The following EPHA6 variants were observed in gnomAD, a reference collection of about 807,000 sequenced individuals.
The protein encoded by EPHA6 is EPH receptor A6.
EPHA6 carries 50 observed loss-of-function variants against 112.0 expected under a neutral mutation model. The observed-to-expected ratio is 0.45, with a 90% CI of 0.36 to 0.56. The LOEUF (loss-of-function observed/expected upper bound fraction) is 0.56. Among genes scored for constraint, EPHA6 ranks in the 20% least tolerant of loss-of-function variants. The probability of loss-of-function intolerance (pLI) is 0.00; values close to 1 mark genes in which losing one functional copy is unlikely to be tolerated. For synonymous variants in EPHA6, 529 were observed against 490.7 expected (o/e 1.08, Z -1.03); for missense variants, 1,280 against 1,417.4 (o/e 0.90, Z 1.56).
intron 3 of EPHA6, among the ~76,000 whole-genome samples, chr3:97,186,438 T>G (rs1041184985): frequency 1.3e-5 from 2 of 152,184 alleles, no homozygotes; most frequent in Non-Finnish European, 2.9e-5. Context: ...ACTCTTGATC[T>G]TGTTGAGATA....
chr3:97,525,851 G>A (rs1324712348), intron 10 of EPHA6, among the ~76,000 whole-genome samples: 3 of 152,102 alleles, frequency 2.0e-5, no homozygotes, highest in Non-Finnish European at 2.9e-5. Flanking sequence ...TCTGGATCTG[G>A]GATGATGAAG....
chr3:97,512,507 G>A (rs1366839096), intron 10 of EPHA6, among the ~76,000 whole-genome samples: 1 of 152,040 alleles, frequency 6.6e-6, no homozygotes, highest in Non-Finnish European at 1.5e-5. Flanking sequence ...ACATCTGACA[G>A]TCCACTAGCT....
chr3:96,972,418 CACACAA>C (rs1185103987), intron 2 of EPHA6, among the ~76,000 whole-genome samples: 6 of 75,906 alleles, frequency 7.9e-5, no homozygotes, highest in South Asian at 5.4e-4. Context: ...CAGAAACACA[CACACAA>C]ACACACACAC....
At chr3:97,103,123 G>C (rs2047453944) in intron 3 of EPHA6, among the ~76,000 whole-genome samples, 1 of 151,990 alleles carries the variant, frequency 6.6e-6, no homozygotes, top group Non-Finnish European at 1.5e-5. Context: ...CTGTGCAGAA[G>C]CTCCTTAGTT....
intron 15 of EPHA6, among the ~76,000 whole-genome samples, chr3:97,725,628 G>C (rs1355096420): frequency 1.3e-5 from 2 of 152,120 alleles, no homozygotes; most frequent in Non-Finnish European, 2.9e-5. Flanking sequence ...TCGGGCTTTA[G>C]AACAAGATCT....
chr3:96,996,246 G>A (rs2043416152), intron 3 of EPHA6, among the ~76,000 whole-genome samples: 2 of 151,948 alleles, frequency 1.3e-5, no homozygotes, highest in Admixed American at 6.6e-5. Flanking sequence ...TTTTTCTCTT[G>A]CTATATCCAC....
intron 5 of EPHA6, among the ~76,000 whole-genome samples, chr3:97,316,039 T>C (rs114590751): frequency 6.6e-6 from 1 of 151,784 alleles, no homozygotes; most frequent in African/African-American, 2.4e-5. Context: ...AGCTAATGGG[T>C]TGTATGTAAT....
intron 5 of EPHA6, among the ~76,000 whole-genome samples, chr3:97,392,311 A>G (rs947683482): frequency 4.0e-5 from 6 of 151,754 alleles, no homozygotes; most frequent in Non-Finnish European, 5.9e-5. Flanking sequence ...TAATTTAAAA[A>G]TCATTAGCTA....
At chr3:97,683,734 C>G (rs962606740) in intron 14 of EPHA6, among the ~76,000 whole-genome samples, 9 of 152,100 alleles carry the variant, frequency 5.9e-5, no homozygotes, top group African/African-American at 2.2e-4. Context: ...GTACTTCTTT[C>G]TATATTTCTC....
rs1335587461 is a variant in EPHA6 at position 97,748,526 on chromosome 3, TCTC to T, written c.3279-60_3279-58del. The T allele has an allele frequency of 2.9e-5, 23 of 797,550 alleles. No individual in the cohort carries two copies. In the East Asian group the frequency reaches 5.9e-4, roughly 21 times the overall value. The allele number at this position is 797,550 out of a possible 1,614,324, so 49.4% of individuals were successfully genotyped here. On this transcript the variant is annotated intron_variant, in intron 17 of 17. Coordinates refer to ENST00000389672, the MANE Select transcript of EPHA6 (RefSeq NM_001080448.3). Reference sequence around the variant, plus strand: ...AATGTTCATATTCTGTATCTCTCTCTCTCTCTCTCTCTTTCTTGCTCTCACTCT... The same window carrying T: ...AATGTTCATATTCTGTATCTCTCTCTTCTCTCTCTTTCTTGCTCTCACTCT...
chr3:96,852,596 C>T (rs2035458586), intron 1 of EPHA6, among the ~76,000 whole-genome samples: 1 of 135,370 alleles, frequency 7.4e-6, no homozygotes, highest in South Asian at 2.6e-4. Context: ...TTTGAAGTAT[C>T]TTATCCAAAA....
intron 3 of EPHA6, among the ~76,000 whole-genome samples, chr3:97,151,347 G>C (rs578198092): frequency 6.6e-6 from 1 of 151,946 alleles, no homozygotes; most frequent in Non-Finnish European, 1.5e-5. Flanking sequence ...CCTTAATTCT[G>C]TACCAAACAA....
chr3:97,483,723 A>G (rs750674584), intron 9 of EPHA6, among the ~76,000 whole-genome samples: 19 of 152,340 alleles, frequency 1.2e-4, no homozygotes, highest in South Asian at 4.1e-4. Flanking sequence ...CTTTCTAGAA[A>G]TCCACCAGGT....
chr3:96,952,791 A>G (rs915883218), intron 2 of EPHA6, among the ~76,000 whole-genome samples: 1 of 152,134 alleles, frequency 6.6e-6, no homozygotes, highest in Non-Finnish European at 1.5e-5. Context: ...GTCACTTACA[A>G]TTGGGAGCAA....
intron 5 of EPHA6, among the ~76,000 whole-genome samples, chr3:97,319,334 T>C (rs2081991439): frequency 6.6e-6 from 1 of 151,582 alleles, no homozygotes; most frequent in Non-Finnish European, 1.5e-5. Context: ...TCCTTTCAAA[T>C]GTGGAATCAA....
At chr3:97,129,742 C>T (rs951826981) in intron 3 of EPHA6, among the ~76,000 whole-genome samples, 1 of 151,964 alleles carries the variant, frequency 6.6e-6, no homozygotes, top group Admixed American at 6.6e-5. Context: ...CAAGGAGCAG[C>T]AGGGTTGGGG....
intron 2 of EPHA6, among the ~76,000 whole-genome samples, chr3:96,895,302 T>C (rs2038207741): frequency 6.6e-6 from 1 of 152,076 alleles, no homozygotes; most frequent in East Asian, 1.9e-4. Context: ...ATAAAGGTTG[T>C]AGAATAAAGA....
At chr3:97,450,929 C>G (rs75855715) in intron 7 of EPHA6, among the ~76,000 whole-genome samples, 18,778 of 152,046 alleles carry the variant, frequency 0.12, 3,713 homozygotes, top group African/African-American at 0.41. Flanking sequence ...ATGACTACTA[C>G]TTCAGCACAC....
At chr3:97,054,285 T>C (rs1315227632) in intron 3 of EPHA6, among the ~76,000 whole-genome samples, 1 of 152,122 alleles carries the variant, frequency 6.6e-6, no homozygotes, top group African/African-American at 2.4e-5. Flanking sequence ...ATTTAGTACA[T>C]GAATGGCTAA....
Sources: allele counts gnomAD v4.1 joint callset (sites outside exome capture counted in the v4.1 genomes callset), GRCh38; gene constraint gnomAD v4.1.1; transcripts MANE v1.5; gene names NCBI Gene and HGNC (gene_info 2026-07-23, HGNC 2026-07-21).